ELF2: variants seen among roughly 807,000 people sequenced by gnomAD.
The protein encoded by ELF2 is E74 like ETS transcription factor 2, also known as ETS-related transcription factor Elf-2.
A neutral mutation model predicts 54.8 loss-of-function variants in ELF2; 11 were observed. That is an observed-to-expected ratio of 0.20 (90% CI 0.13 to 0.33). The LOEUF (loss-of-function observed/expected upper bound fraction) is 0.33, where lower values mean the gene tolerates loss of function less well. Among genes scored for constraint, ELF2 ranks in the 10% least tolerant of loss-of-function variants. The pLI is 1.00. For synonymous variants in ELF2, 203 were observed against 245.1 expected, an observed-to-expected ratio of 0.83 and a Z score of 1.61; for missense variants, 513 against 703.0, an observed-to-expected ratio of 0.73 and a Z score of 3.06.
intron 4 of ELF2, among the ~76,000 whole-genome samples, chr4:139,083,673 C>A (rs1425425894): frequency 6.6e-6 from 1 of 152,224 alleles, no homozygotes; most frequent in Non-Finnish European, 1.5e-5. Context: ...CGAGCGTTCG[C>A]CGGAGAAGCC....
rs1743035038 is a variant in ELF2 at position 139,177,089 on chromosome 4, G to C, written c.-374C>G. 6.6e-6 allele frequency: 1 copy of C among 152,252 alleles called. No homozygotes were observed. 9.4% of individuals were successfully genotyped at this position (152,252 alleles called of 1,614,324 possible). A position where few individuals can be genotyped will look rare whatever the true frequency, so the allele number is the denominator to read the frequency against. Reference sequence around the variant, plus strand: ...CGGGGCCTCCCCAGCAGCCCGAGCCGCTCCACAGGGAGAGAAGGAGACAAA... The same window carrying C: ...CGGGGCCTCCCCAGCAGCCCGAGCCCCTCCACAGGGAGAGAAGGAGACAAA... On this transcript the variant is annotated 5_prime_UTR_variant, in exon 1 of 10. Transcript: ENST00000686138.
chr4:139,066,473 T>A (rs1373293502), intron 7 of ELF2: 1 of 151,716 alleles, frequency 6.6e-6, no homozygotes, highest in Non-Finnish European at 1.5e-5. Context: ...AAAAAAAAGA[T>A]AATAAAAATA....
chr4:139,084,463 T>A, intron 4 of ELF2: 2 of 652,640 alleles, frequency 3.1e-6, no homozygotes, highest in Non-Finnish European at 4.0e-6. Context: ...CGGCGGCGGC[T>A]GTGGCTGTGG....
intron 4 of ELF2, among the ~76,000 whole-genome samples, chr4:139,090,801 G>C (rs558672180): frequency 6.6e-6 from 1 of 152,226 alleles, no homozygotes; most frequent in South Asian, 2.1e-4. Flanking sequence ...TGCCACGTTG[G>C]CCAGGCTGGT....
intron 4 of ELF2, among the ~76,000 whole-genome samples, chr4:139,120,448 C>A (rs1204671627): frequency 6.6e-6 from 1 of 152,002 alleles, no homozygotes; most frequent in Non-Finnish European, 1.5e-5. Flanking sequence ...ATGGTACTTT[C>A]TTTTTAGAGA....
intron 1 of ELF2, among the ~76,000 whole-genome samples, chr4:139,161,910 C>T (rs1015861255): frequency 3.3e-5 from 5 of 151,980 alleles, no homozygotes; most frequent in Admixed American, 1.3e-4. Flanking sequence ...CTGGCTAACA[C>T]GGTGAAACCC....
At chr4:139,115,181 G>C in intron 4 of ELF2, 1 of 1,612,134 alleles carries the variant, frequency 6.2e-7, no homozygotes, top group Non-Finnish European at 8.5e-7. Context: ...CGCTTCCGTA[G>C]CTCCTTGCGG....
intron 4 of ELF2, among the ~76,000 whole-genome samples, chr4:139,110,422 T>TA (rs1000896228): frequency 6.6e-6 from 1 of 151,558 alleles, no homozygotes. Flanking sequence ...ACCTGGGTAC[T>TA]AAAAAAAAAC....
chr4:139,084,447 C>T, intron 4 of ELF2: 5 of 1,142,072 alleles, frequency 4.4e-6, no homozygotes, highest in Non-Finnish European at 5.4e-6. Flanking sequence ...GGGGCGGCGG[C>T]GGCGGCGGCG....
intron 9 of ELF2, 91 bp from the exon 10 acceptor site, chr4:139,059,698 G>T: frequency 6.8e-7 from 1 of 1,474,602 alleles, no homozygotes; most frequent in East Asian, 2.3e-5. Context: ...AATCCAAAAT[G>T]TGTAAAATTA....
chr4:139,114,597 A>ACACACACACACACAC (rs1370544863), intron 4 of ELF2, among the ~76,000 whole-genome samples: 27 of 145,744 alleles, frequency 1.9e-4, no homozygotes, highest in South Asian at 4.3e-4. Flanking sequence ...ACACACACAC[A>ACACACACACACACAC]ATTTAGGAGC....
At chr4:139,141,241 TAATAACCTGAAAGGCC>T (rs1560859275) in intron 1 of ELF2, among the ~76,000 whole-genome samples, 2 of 152,226 alleles carry the variant, frequency 1.3e-5, no homozygotes, top group African/African-American at 2.4e-5. Context: ...TCTTGACTAA[TAATAACCTGAAAGGCC>T]AAGTTCTATT....
At position 139,057,958 on chromosome 4, in the gene ELF2, C is replaced by T. The variant is rs1468362282; in HGVS notation, c.*1025G>A. 6.6e-6 allele frequency: 1 copy of T among 152,366 alleles called. No individual in the cohort carries two copies. The highest frequency in any genetic ancestry group is 2.4e-5 in the African/African-American group (1 of 41,368). 9.4% of individuals were successfully genotyped at this position (152,366 alleles called of 1,614,324 possible). ...ATACTTCAAATGTTGAATATACAAA[C>T]TATTATAGTTCAAAACTGAACACTG... On this transcript the variant is annotated 3_prime_UTR_variant, in exon 10 of 10. Coordinates refer to ENST00000686138, the MANE Select transcript of ELF2 (RefSeq NM_001331036.3).
chr4:139,114,099 T>C (rs1294372125), intron 4 of ELF2, among the ~76,000 whole-genome samples: 1 of 152,224 alleles, frequency 6.6e-6, no homozygotes, highest in Admixed American at 6.5e-5. Flanking sequence ...CTCAAAGTTA[T>C]ACTAATTAAG....
chr4:139,149,923 A>G (rs1005185165), intron 1 of ELF2, among the ~76,000 whole-genome samples: 5 of 152,228 alleles, frequency 3.3e-5, no homozygotes, highest in African/African-American at 9.6e-5. Flanking sequence ...GGTCAGGCAC[A>G]GTAGCTCACA....
Position 139,114,149 on chromosome 4 carries a change from G to A in ELF2, c.238+11015C>T, listed in dbSNP as rs1027449133. Reference sequence around the variant, plus strand: ...GATAACACTCTATTGAAGTAAATATGTCATATTAAAATAGATTTTCTTTTT... The same window carrying A: ...GATAACACTCTATTGAAGTAAATATATCATATTAAAATAGATTTTCTTTTT... On this transcript the variant is annotated intron_variant, in intron 4 of 9. Coordinates refer to ENST00000686138, the MANE Select transcript of ELF2 (RefSeq NM_001331036.3). Among the ~76,000 whole-genome samples the A allele has an allele frequency of 2.0e-5, 3 of 152,252 alleles. No homozygotes were observed. The South Asian group carries it at 6.2e-4, about 32-fold the overall frequency.
rs185347966 is a variant in ELF2, at chr4:139,111,247, A to G, written c.238+13917T>C. 6.6e-4 allele frequency among the ~76,000 whole-genome samples: 101 copies of G among 152,342 alleles called. 1 individual carries two copies. Among genetic ancestry groups the G allele is most frequent in the African/African-American group, 2.2e-3 (93 of 41,580 alleles). On this transcript the variant is annotated intron_variant, in intron 4 of 9. Transcript: ENST00000686138. ...TGTTTGTATGCAGCGCTGAAAATAC[A>G]GATAGAGTTTCAAGATAACTTTTAC...
Position 139,073,470 on chromosome 4 carries a change from C to T in ELF2, c.336G>A (p.Arg112=). 1.2e-6 allele frequency: 2 copies of T among 1,606,152 alleles called. No individual in the cohort carries two copies. The highest frequency in any genetic ancestry group is 2.2e-5 in the South Asian group (2 of 90,034). The part of the protein sequence containing the change: ...LLHMESPTCL[R]DSRSPVEVFV... ...TTTACATACCAGGACTTCTTGAATC[C>T]CTCAAGCAGGTAGGAGATTCCATAT... The change falls in exon 5 of 10, where the codon AGG becomes AGA. Residue 112 remains arginine (R), a synonymous_variant. Transcript: ENST00000686138.
chr4:139,146,157 G>C (rs1320091534), intron 1 of ELF2, among the ~76,000 whole-genome samples: 1 of 152,164 alleles, frequency 6.6e-6, no homozygotes, highest in Admixed American at 6.5e-5. Context: ...TATTAGATTT[G>C]ATAAGTGAAT....
Sources: gnomAD v4.1 joint callset for allele counts (sites outside exome capture counted in the v4.1 genomes callset) on GRCh38, gnomAD v4.1.1 for gene constraint, MANE v1.5 for transcripts, NCBI Gene and HGNC (gene_info 2026-07-23, HGNC 2026-07-21) for gene names.